Variants in DHX30 observed in about 807,000 individuals in gnomAD.
The protein encoded by DHX30 is ATP-dependent RNA helicase DHX30.
In DHX30, 4 loss-of-function variants were observed where a neutral mutation model predicts 116.9. The observed-to-expected ratio is 0.03, with a 90% CI of 0.02 to 0.08. The LOEUF (loss-of-function observed/expected upper bound fraction) is 0.08. DHX30 is among the 10% of genes least tolerant of loss of function. The pLI is 1.00. For missense variants in DHX30, 871 were observed against 1,595.1 expected (o/e 0.55, Z 7.73); for synonymous variants, 697 against 651.7 (o/e 1.07, Z -1.06).
intron 2 of DHX30, among the ~76,000 whole-genome samples, chr3:47,807,906 CT>C (rs1020280151): frequency 2.0e-4 from 29 of 142,926 alleles, no homozygotes; most frequent in Middle Eastern, 3.6e-3. Flanking sequence ...TTAAATTTTG[CT>C]TTTTTTTTTT....
chr3:47,817,991 T>C (rs1230753532), intron 3 of DHX30, 31 bp from the exon 4 acceptor site: 1 of 780,870 alleles, frequency 1.3e-6, no homozygotes. Context: ...GGTGAGAACA[T>C]GTCGCCCTGA....
chr3:47,821,788 G>A (rs886944611), intron 4 of DHX30, among the ~76,000 whole-genome samples: 1 of 151,608 alleles, frequency 6.6e-6, no homozygotes, highest in Non-Finnish European at 1.5e-5. Context: ...TAGTAGAGAT[G>A]GAGTTTCACC....
At position 47,841,109 on chromosome 3, in the gene DHX30, G is replaced by A. The variant is rs1173336388; in HGVS notation, c.599G>A (p.Gly200Glu). Residue 200 changes from glycine to glutamate, a missense_variant, in exon 7 of 22, where the codon GGG becomes GAG. Physicochemically the swap from Gly to Glu is moderately conservative, Grantham distance 98. Around this residue, in one of 13 missense-constraint regions of DHX30, gnomAD observed 109 missense variants for 118.8 expected, o/e 0.92. Coordinates refer to ENST00000445061, the MANE Select transcript of DHX30 (RefSeq NM_138615.3). The part of the protein sequence containing the change: ...EEDEEEELEE[G>E]TIDVTDFLSM... ...GACGAGGAGGAAGAGCTAGAAGAAG[G>A]GACCATAGATGTTACCGACTTCTTG... is the stretch of plus-strand genomic sequence containing the variant. 1.2e-6 allele frequency: 2 copies of A among 1,614,036 alleles called. No individual in the cohort carries two copies. Among genetic ancestry groups the A allele is most frequent in the African/African-American group, 2.7e-5 (2 of 74,898 alleles).
Position 47,849,688 on chromosome 3 carries a change from G to A in DHX30, c.3250G>A (p.Gly1084Ser). ...LTYFMAVKSN[G>S]SVFVRDSSQV... ...GTATTTCATGGCAGTCAAGTCCAAT[G>A]GCAGCGTCTTCGTCCGGGACTCCTC... is the stretch of plus-strand genomic sequence containing the variant. The change falls in exon 21 of 22, where the codon GGC (glycine) becomes AGC (serine). Residue 1084 changes from glycine (G) to serine (S), a missense_variant. Gly to Ser is a moderately conservative substitution (Grantham distance 56). Coordinates refer to ENST00000445061, the MANE Select transcript of DHX30 (RefSeq NM_138615.3). The A allele has an allele frequency of 6.2e-7, 1 of 1,614,202 alleles. No homozygotes were observed. The highest frequency in any genetic ancestry group is 8.5e-7 in the Non-Finnish European group (1 of 1,180,036).
At position 47,847,371 on chromosome 3, in the gene DHX30, C is replaced by T; in HGVS notation, c.2005+23C>T. ...CAGGTGGGTGCCTCCCCATCTGTCC[C>T]ATGCTAGCCCTGGCCACGTTTGCAG... is the stretch of plus-strand genomic sequence containing the variant. On this transcript the variant is annotated intron_variant, in intron 12 of 21. Transcript: ENST00000445061. The surrounding 1 kb of genome is among the most constrained non-coding windows in gnomAD (Gnocchi z 5.5). 1 of 1,614,232 alleles carries T rather than the reference C, an allele frequency of 6.2e-7. No homozygotes were observed. Among genetic ancestry groups the T allele is most frequent in the East Asian group, 2.2e-5 (1 of 44,882 alleles).
chr3:47,846,808 A>G lies in DHX30; in HGVS notation c.1736A>G (p.Gln579Arg), dbSNP rs2037627488. 6.2e-7 allele frequency: 1 copy of G among 1,613,530 alleles called. No individual in the cohort carries two copies. Among genetic ancestry groups the G allele is most frequent in the Non-Finnish European group, 8.5e-7 (1 of 1,179,916 alleles). Reference protein sequence around the residue: ...DFLLILLKGLQRLNPALRLVL... With the variant: ...DFLLILLKGLRRLNPALRLVL... ...CTGCTGATCCTGCTCAAGGGCCTGC[A>G]GCGGCTCAACCCGGCCCTGCGGCTG... is the stretch of plus-strand genomic sequence containing the variant. The change falls in exon 11 of 22, where the codon CAG (glutamine) becomes CGG (arginine). Residue 579 changes from glutamine to arginine, a missense_variant. Around this residue, in one of 13 missense-constraint regions of DHX30, gnomAD observed 22 missense variants for 18.8 expected, o/e 1.17. Coordinates refer to ENST00000445061, the MANE Select transcript of DHX30 (RefSeq NM_138615.3).
intron 1 of DHX30, among the ~76,000 whole-genome samples, chr3:47,803,852 A>G (rs888704070): frequency 2.0e-5 from 3 of 152,202 alleles, no homozygotes; most frequent in African/African-American, 7.2e-5. Context: ...ACCCTAAGCC[A>G]GGGATATGGC....
intron 6 of DHX30, among the ~76,000 whole-genome samples, chr3:47,829,400 G>A (rs2036730772): frequency 7.0e-6 from 1 of 143,426 alleles, no homozygotes; most frequent in South Asian, 2.3e-4. Flanking sequence ...CTGGAGTGCA[G>A]TGATGCGATC....
In DHX30 at chr3:47,848,144, G is replaced by A; in HGVS notation, c.2287-36G>A. Reference sequence around the variant, plus strand: ...GGGAGTGGGGAAGCACTGAGGAAGTGGCATTTGTGTGCTGCTTACTTGCCA... The same window carrying A: ...GGGAGTGGGGAAGCACTGAGGAAGTAGCATTTGTGTGCTGCTTACTTGCCA... On this transcript the variant is annotated intron_variant, in intron 14 of 21. Coordinates refer to ENST00000445061, the MANE Select transcript of DHX30 (RefSeq NM_138615.3). The surrounding 1 kb of genome is among the most constrained non-coding windows in gnomAD (Gnocchi z 9.4). The A allele has an allele frequency of 6.2e-7, 1 of 1,611,076 alleles. No individual in the cohort carries two copies. The highest frequency in any genetic ancestry group is 1.1e-5 in the South Asian group (1 of 90,930).
chr3:47,822,965 C>T (rs916489435), intron 4 of DHX30, among the ~76,000 whole-genome samples: 11 of 151,012 alleles, frequency 7.3e-5, no homozygotes, highest in African/African-American at 1.9e-4. Context: ...TGGTGGCGGG[C>T]ACCTGTAGTC....
In DHX30 at chr3:47,841,920, A is replaced by G; in HGVS notation, c.789+183A>G. On this transcript the variant is annotated intron_variant, in intron 8 of 21. Transcript: ENST00000445061. ...TGTGATGGAATGGAGGTCAAGCCTC[A>G]GCAGCACAGGGAGTGGGCTTGGGGG... 2 of 798,098 alleles carry G rather than the reference A, an allele frequency of 2.5e-6. 1 individual carries two copies. Among genetic ancestry groups the G allele is most frequent in the South Asian group, 3.4e-5 (2 of 59,648 alleles). 49.4% of individuals were successfully genotyped at this position (798,098 alleles called of 1,614,324 possible).
rs780815683 is a variant in DHX30, at chr3:47,846,864, C to T, written c.1792C>T (p.Arg598Cys). 9 of 1,612,248 alleles carry T rather than the reference C, an allele frequency of 5.6e-6. No homozygotes were observed. The highest frequency in any genetic ancestry group is 1.7e-5 in the Admixed American group (1 of 59,868). Reference protein sequence around the residue: ...VLMSATGDNERFSRYFGGCPV... With the variant: ...VLMSATGDNECFSRYFGGCPV... ...CATGAGTGCCACAGGGGACAATGAG[C>T]GCTTCTCCCGATACTTTGGTGGCTG... Residue 598 changes from arginine (R) to cysteine (C), a missense_variant, in exon 11 of 22, where the codon CGC becomes TGC. By Grantham distance (180) the Arg-to-Cys change is radical. This residue lies in a region of DHX30 where 61 missense variants were observed against 106.7 expected (regional missense o/e 0.57). Coordinates refer to ENST00000445061, the MANE Select transcript of DHX30 (RefSeq NM_138615.3).
chr3:47,816,645 C>T (rs73085189), intron 3 of DHX30: 22,559 of 985,380 alleles, frequency 0.023, 254 homozygotes, highest in Non-Finnish European at 0.025. Context: ...CGTGAGCCAC[C>T]GCGCCGGGCT....
At position 47,847,366 on chromosome 3, in the gene DHX30, T is replaced by C; in HGVS notation, c.2005+18T>C. ...GGAACCAGGTGGGTGCCTCCCCATC[T>C]GTCCCATGCTAGCCCTGGCCACGTT... is the stretch of plus-strand genomic sequence containing the variant. On this transcript the variant is annotated intron_variant, in intron 12 of 21. Transcript: ENST00000445061. This position sits in a 1 kb window ranked among gnomAD's most constrained non-coding sequence, Gnocchi z 5.5. The C allele has an allele frequency of 6.2e-7, 1 of 1,614,248 alleles. No homozygotes were observed. Among genetic ancestry groups the C allele is most frequent in the Non-Finnish European group, 8.5e-7 (1 of 1,180,042 alleles).
At position 47,845,709 on chromosome 3, in the gene DHX30, C is replaced by T. The variant is rs1376710979; in HGVS notation, c.949C>T (p.Leu317=). Residue 317 remains leucine (L), a synonymous_variant, in exon 10 of 22, where the codon CTG becomes TTG. Coordinates refer to ENST00000445061, the MANE Select transcript of DHX30 (RefSeq NM_138615.3). ...LACKKLKSLG[L]VDRNNEPLTH... ...GCATGTCCCCCTGCAGAGCCTGGGC[C>T]TGGTGGACAGGAACAACGAACCGCT... 6.2e-7 allele frequency: 1 copy of T among 1,600,546 alleles called. No homozygotes were observed. The highest frequency in any genetic ancestry group is 1.3e-5 in the African/African-American group (1 of 74,714).
At chr3:47,844,840 G>A (rs2037529494) in intron 9 of DHX30, among the ~76,000 whole-genome samples, 1 of 152,190 alleles carries the variant, frequency 6.6e-6, no homozygotes, top group Non-Finnish European at 1.5e-5. Context: ...GTTTGATCAA[G>A]TTGCATTATA....
rs2036088141 is a variant in DHX30 at position 47,816,968 on chromosome 3, TTCTAC to T, written c.29-1051_29-1047del. The T allele has an allele frequency of 5.1e-6, 5 of 985,132 alleles. No homozygotes were observed. In the South Asian group the frequency reaches 1.9e-4, roughly 37 times the overall value. The allele number at this position is 985,132 out of a possible 1,614,324, so 61.0% of individuals were successfully genotyped here. A position where few individuals can be genotyped will look rare whatever the true frequency, so the allele number is the denominator to read the frequency against. On this transcript the variant is annotated intron_variant, in intron 3 of 21. Coordinates refer to ENST00000445061, the MANE Select transcript of DHX30 (RefSeq NM_138615.3). The stretch of plus-strand genomic sequence containing the variant: ...TTTTCTTTCCTGCTGAAGATTATAA[TTCTAC>T]TCCTGCTTTTTCAGCTCCTTTGCTT...
intron 6 of DHX30, among the ~76,000 whole-genome samples, chr3:47,840,008 T>C (rs1367510109): frequency 3.3e-5 from 5 of 150,630 alleles, no homozygotes; most frequent in African/African-American, 9.8e-5. Context: ...CTTTTCTTTT[T>C]TTTTTTGAGA....
At chr3:47,810,316 A>C (rs1318457393) in intron 2 of DHX30, among the ~76,000 whole-genome samples, 1 of 152,198 alleles carries the variant, frequency 6.6e-6, no homozygotes, top group Non-Finnish European at 1.5e-5. Flanking sequence ...GGAAACCTGC[A>C]AGTATTATGA....
Sources: allele counts gnomAD v4.1 joint callset (sites outside exome capture counted in the v4.1 genomes callset), GRCh38; gene constraint gnomAD v4.1.1; regional missense constraint gnomAD v4.1.1; non-coding constraint Gnocchi (gnomAD v3.1); transcripts MANE v1.5; gene names NCBI Gene and HGNC (gene_info 2026-07-23, HGNC 2026-07-21).